The following SLC39A8 variants were observed in gnomAD, a reference collection of about 807,000 sequenced individuals.
The protein encoded by SLC39A8 is metal cation symporter ZIP8.
A neutral mutation model predicts 40.4 loss-of-function variants in SLC39A8; 15 were observed. That is an observed-to-expected ratio of 0.37 (90% CI 0.25 to 0.57). The LOEUF (loss-of-function observed/expected upper bound fraction) is 0.57. SLC39A8 is among the 20% of genes least tolerant of loss of function. SLC39A8 has a pLI of 0.75. For missense variants in SLC39A8, 472 were observed against 558.8 expected, an observed-to-expected ratio of 0.84 and a Z score of 1.57; for synonymous variants, 223 against 221.6, an observed-to-expected ratio of 1.01 and a Z score of -0.06.
At chr4:102,327,868 C>T (rs1250510455) in intron 2 of SLC39A8, among the ~76,000 whole-genome samples, 1 of 152,164 alleles carries the variant, frequency 6.6e-6, no homozygotes, top group Non-Finnish European at 1.5e-5. Flanking sequence ...TCTACCAAGA[C>T]CTCTGAGGAG....
At chr4:102,314,312 A>G (rs1734566685) in intron 3 of SLC39A8, among the ~76,000 whole-genome samples, 1 of 151,930 alleles carries the variant, frequency 6.6e-6, no homozygotes, top group Admixed American at 6.6e-5. Context: ...TCGCTTCCTG[A>G]CCAATCACCC....
At chr4:102,267,739 A>G in intron 7 of SLC39A8, 65 bp from the exon 8 acceptor site, 1 of 1,523,512 alleles carries the variant, frequency 6.6e-7, no homozygotes. Context: ...GATATCAAAG[A>G]TAATCATCAA....
intron 6 of SLC39A8, among the ~76,000 whole-genome samples, chr4:102,292,716 T>C (rs1309916047): frequency 1.3e-5 from 2 of 152,056 alleles, no homozygotes; most frequent in African/African-American, 4.8e-5. Context: ...ATACATAATG[T>C]TAGATGCTGT....
chr4:102,265,220 T>G (rs1259241430), intron 8 of SLC39A8, among the ~76,000 whole-genome samples: 1 of 152,182 alleles, frequency 6.6e-6, no homozygotes, highest in African/African-American at 2.4e-5. Flanking sequence ...CTTGAACACT[T>G]AGAGGCCACT....
intron 6 of SLC39A8, among the ~76,000 whole-genome samples, chr4:102,300,764 C>G (rs1733889875): frequency 6.6e-6 from 1 of 151,698 alleles, no homozygotes; most frequent in African/African-American, 2.4e-5. Flanking sequence ...ATGGGGTCAC[C>G]TAGGTTAGAT....
intron 6 of SLC39A8, among the ~76,000 whole-genome samples, chr4:102,290,533 G>A (rs998385610): frequency 1.3e-5 from 2 of 152,058 alleles, no homozygotes; most frequent in African/African-American, 4.8e-5. Context: ...GCACTCCAGA[G>A]TTTCAAGGCA....
At position 102,284,721 on chromosome 4, in the gene SLC39A8, C is replaced by CA. The variant is rs1327337229; in HGVS notation, c.841-16643dup. ...AAAGTCACAAACACTATAAAAATTA[C>CA]AAAAAAAATACAGACTATTTTTGCA... On this transcript the variant is annotated intron_variant, in intron 6 of 8. Transcript: ENST00000356736. Among the ~76,000 whole-genome samples the CA allele has an allele frequency of 6.6e-5, 10 of 151,668 alleles. No homozygotes were observed. In the South Asian group the frequency reaches 1.0e-3, roughly 16 times the overall value.
At chr4:102,288,666 T>C (rs545393865) in intron 6 of SLC39A8, among the ~76,000 whole-genome samples, 1 of 152,230 alleles carries the variant, frequency 6.6e-6, no homozygotes, top group East Asian at 1.9e-4. Flanking sequence ...ACACAAATGA[T>C]AGGAAAGCAA....
chr4:102,258,373 G>A (rs1443084014), downstream of SLC39A8, among the ~76,000 whole-genome samples: 1 of 152,048 alleles, frequency 6.6e-6, no homozygotes, highest in Admixed American at 6.6e-5. Flanking sequence ...TGAAGGACTG[G>A]CTAGCCCTTC....
chr4:102,299,603 C>G (rs1240622385), intron 6 of SLC39A8, among the ~76,000 whole-genome samples: 1 of 152,084 alleles, frequency 6.6e-6, no homozygotes, highest in Non-Finnish European at 1.5e-5. Context: ...TAGAGTGTCA[C>G]TTCATATCAG....
intron 2 of SLC39A8, among the ~76,000 whole-genome samples, chr4:102,333,551 T>C (rs1036562373): frequency 1.3e-5 from 2 of 152,196 alleles, no homozygotes; most frequent in Admixed American, 1.3e-4. Context: ...CAGATAGTAA[T>C]ACCTATCACT....
chr4:102,251,133 G>A (rs376735312), exon 12 of SLC39A8: 1 of 152,318 alleles, frequency 6.6e-6, no homozygotes, highest in East Asian at 1.9e-4. Context: ...ATGTATATGT[G>A]ATGCATATAA....
chr4:102,299,499 T>C (rs1578589074), intron 6 of SLC39A8, among the ~76,000 whole-genome samples: 1 of 151,982 alleles, frequency 6.6e-6, no homozygotes, highest in East Asian at 1.9e-4. Context: ...GCCAAGTATA[T>C]GTTAAGTACT....
chr4:102,279,697 A>G (rs1233711700), intron 6 of SLC39A8, among the ~76,000 whole-genome samples: 1 of 152,172 alleles, frequency 6.6e-6, no homozygotes, highest in East Asian at 1.9e-4. Flanking sequence ...GCTATAATTA[A>G]TGTTCCTTAA....
intron 6 of SLC39A8, among the ~76,000 whole-genome samples, chr4:102,271,394 A>G (rs1732357973): frequency 6.6e-6 from 1 of 152,232 alleles, no homozygotes; most frequent in African/African-American, 2.4e-5. Flanking sequence ...GTCACTCAGT[A>G]TCCTTCATCA....
At chr4:102,299,976 G>A (rs1170498460) in intron 6 of SLC39A8, among the ~76,000 whole-genome samples, 2 of 152,168 alleles carry the variant, frequency 1.3e-5, no homozygotes, top group East Asian at 3.9e-4. Flanking sequence ...ACACAGGAAC[G>A]TCGAAGAGAA....
chr4:102,280,007 T>C (rs552935600), intron 6 of SLC39A8, among the ~76,000 whole-genome samples: 4 of 152,296 alleles, frequency 2.6e-5, no homozygotes, highest in African/African-American at 9.6e-5. Flanking sequence ...CATGTCCAGG[T>C]GCTCAGCAGG....
intron 6 of SLC39A8, among the ~76,000 whole-genome samples, chr4:102,295,640 C>T (rs879416186): frequency 6.6e-6 from 1 of 152,040 alleles, no homozygotes; most frequent in South Asian, 2.1e-4. Context: ...AGTGATCCAC[C>T]TGCCTTGGCC....
At chr4:102,335,965 G>C (rs1010348662) in intron 2 of SLC39A8, among the ~76,000 whole-genome samples, 1 of 152,066 alleles carries the variant, frequency 6.6e-6, no homozygotes, top group Non-Finnish European at 1.5e-5. Context: ...AGACAATTTT[G>C]TTAAGGATAA....
Sources: gnomAD v4.1 joint callset for allele counts (sites outside exome capture counted in the v4.1 genomes callset) on GRCh38, gnomAD v4.1.1 for gene constraint, MANE v1.5 for transcripts, NCBI Gene and HGNC (gene_info 2026-07-23, HGNC 2026-07-21) for gene names.